CSMD1: variants seen among roughly 807,000 people sequenced by gnomAD.
The protein encoded by CSMD1 is CUB and sushi domain-containing protein 1.
CSMD1 carries 213 observed loss-of-function variants against 417.5 expected under a neutral mutation model. The ratio of observed to expected loss-of-function variants is 0.51; its 90% CI spans 0.46 to 0.57. CSMD1 has a LOEUF of 0.57. CSMD1 is among the 20% of genes least tolerant of loss of function. The pLI, the probability that CSMD1 is intolerant of heterozygous loss-of-function variation, is 0.00. For missense variants in CSMD1, 6,923 were observed against 4,529.7 expected (o/e 1.53, Z -15.17); for synonymous variants, 2,862 against 1,736.8 (o/e 1.65, Z -16.11).
At chr8:4,864,553 A>G (rs1294634385) in intron 1 of CSMD1, among the ~76,000 whole-genome samples, 3 of 151,630 alleles carry the variant, frequency 2.0e-5, no homozygotes. Context: ...TGATCATCAT[A>G]ATTATGTTTT....
At chr8:4,420,372 T>C (rs1019870219) in intron 2 of CSMD1, among the ~76,000 whole-genome samples, 1 of 152,088 alleles carries the variant, frequency 6.6e-6, no homozygotes, top group Non-Finnish European at 1.5e-5. Context: ...GCCAACTTTT[T>C]TTTTTATTTG....
intron 5 of CSMD1, among the ~76,000 whole-genome samples, chr8:3,958,053 T>C (rs980251992): frequency 6.6e-6 from 1 of 152,218 alleles, no homozygotes; most frequent in African/African-American, 2.4e-5. Flanking sequence ...GTTGTGCCTG[T>C]ATACTGTTCA....
At chr8:4,161,913 C>T (rs1368215420) in intron 3 of CSMD1, among the ~76,000 whole-genome samples, 1 of 152,092 alleles carries the variant, frequency 6.6e-6, no homozygotes, top group African/African-American at 2.4e-5. Context: ...TTCATCAGTT[C>T]ATATCCCTTT....
At chr8:3,245,165 C>T (rs1002951111) in intron 26 of CSMD1, among the ~76,000 whole-genome samples, 1 of 152,192 alleles carries the variant, frequency 6.6e-6, no homozygotes, top group Non-Finnish European at 1.5e-5. Context: ...TTTGCCCTCT[C>T]TGTAAATGGC....
chr8:3,001,050 G>A (rs752582861), intron 52 of CSMD1, among the ~76,000 whole-genome samples: 1 of 151,826 alleles, frequency 6.6e-6, no homozygotes, highest in Admixed American at 6.6e-5. Context: ...CACCATCACG[G>A]CTCACCGTAG....
At chr8:4,242,324 T>A (rs1051827200) in intron 3 of CSMD1, among the ~76,000 whole-genome samples, 1 of 152,162 alleles carries the variant, frequency 6.6e-6, no homozygotes, top group Non-Finnish European at 1.5e-5. Flanking sequence ...TACAAGTGAT[T>A]AGTAAACATG....
intron 3 of CSMD1, among the ~76,000 whole-genome samples, chr8:4,259,835 T>C (rs1803745252): frequency 6.6e-6 from 1 of 152,218 alleles, no homozygotes; most frequent in Non-Finnish European, 1.5e-5. Context: ...CTCATAATAT[T>C]GTTTTGGAAT....
intron 7 of CSMD1, among the ~76,000 whole-genome samples, chr8:3,698,758 T>A (rs1563285015): frequency 2.0e-5 from 3 of 152,234 alleles, no homozygotes; most frequent in Non-Finnish European, 2.9e-5. Context: ...TACTGAAGAT[T>A]ATCCATATGC....
chr8:3,183,057 C>G (rs72621197), intron 36 of CSMD1: 18,849 of 151,844 alleles, frequency 0.12, 1,630 homozygotes, highest in East Asian at 0.28. Flanking sequence ...CGCACCCGGC[C>G]TAGAAGAGGC....
At chr8:4,416,117 C>T (rs1159577432) in intron 3 of CSMD1, among the ~76,000 whole-genome samples, 1 of 152,126 alleles carries the variant, frequency 6.6e-6, no homozygotes. Context: ...CCTATCTGTA[C>T]AATTGCCTTA....
chr8:4,784,071 T>C (rs747388187), intron 1 of CSMD1, among the ~76,000 whole-genome samples: 13 of 152,212 alleles, frequency 8.5e-5, no homozygotes, highest in African/African-American at 1.4e-4. Context: ...TTTTGAGGGA[T>C]TGTCATAGGA....
intron 3 of CSMD1, among the ~76,000 whole-genome samples, chr8:4,123,744 G>C (rs1379994304): frequency 6.6e-6 from 1 of 152,286 alleles, no homozygotes; most frequent in Non-Finnish European, 1.5e-5. Context: ...AGAATTCAAT[G>C]TGTTTATGCT....
intron 1 of CSMD1, among the ~76,000 whole-genome samples, chr8:4,972,548 C>A (rs1563907149): frequency 6.6e-6 from 1 of 152,140 alleles, no homozygotes; most frequent in Non-Finnish European, 1.5e-5. Flanking sequence ...GCCTCCCAGC[C>A]ATGGGGAACT....
chr8:4,285,171 A>T (rs1796994277), intron 3 of CSMD1, among the ~76,000 whole-genome samples: 1 of 152,184 alleles, frequency 6.6e-6, no homozygotes, highest in Non-Finnish European at 1.5e-5. Context: ...TACTCCATGA[A>T]TTTTATGTTT....
chr8:4,073,446 C>A (rs554568939), intron 3 of CSMD1, among the ~76,000 whole-genome samples: 2 of 152,228 alleles, frequency 1.3e-5, no homozygotes, highest in East Asian at 3.9e-4. Context: ...TTCTGTGCGA[C>A]TGTCTTACTT....
At chr8:3,381,220 A>T (rs1810607666) in intron 18 of CSMD1, among the ~76,000 whole-genome samples, 1 of 152,120 alleles carries the variant, frequency 6.6e-6, no homozygotes, top group Admixed American at 6.5e-5. Context: ...TGCAAGTAAA[A>T]CAACTTGACA....
intron 3 of CSMD1, among the ~76,000 whole-genome samples, chr8:4,092,901 C>G (rs568783888): frequency 2.6e-5 from 4 of 152,174 alleles, no homozygotes; most frequent in East Asian, 1.9e-4. Context: ...TGCCAAAACA[C>G]AAGTTTTTTT....
chr8:3,859,428 T>C (rs944588725), intron 5 of CSMD1, among the ~76,000 whole-genome samples: 1 of 152,338 alleles, frequency 6.6e-6, no homozygotes, highest in Admixed American at 6.5e-5. Context: ...GTAAAGAATT[T>C]GGCTCCAACC....
In CSMD1 at chr8:4,359,713, A is replaced by G. The variant is rs370539263; in HGVS notation, c.415+60240T>C. Among the ~76,000 whole-genome samples the G allele has an allele frequency of 2.9e-4, 44 of 152,316 alleles. No homozygotes were observed. In the South Asian group the frequency reaches 8.3e-3, roughly 29 times the overall value. On this transcript the variant is annotated intron_variant, in intron 3 of 69. Coordinates refer to ENST00000635120, the MANE Select transcript of CSMD1 (RefSeq NM_033225.6). The stretch of plus-strand genomic sequence containing the variant: ...TCTGGGTTTTAGTGTGTTTGTCTAT[A>G]GACAGGAGCACTGTGGCCTGGCCCA...
Sources: allele counts gnomAD v4.1 joint callset (sites outside exome capture counted in the v4.1 genomes callset), GRCh38; gene constraint gnomAD v4.1.1; transcripts MANE v1.5; gene names NCBI Gene and HGNC (gene_info 2026-07-23, HGNC 2026-07-21).